XDH: variants seen among roughly 807,000 people sequenced by gnomAD.
XDH encodes xanthine dehydrogenase, also known as xanthine dehydrogenase/oxidase.
In XDH, 138 loss-of-function variants were observed where a neutral mutation model predicts 156.1. The ratio of observed to expected loss-of-function variants is 0.88; its 90% confidence interval spans 0.77 to 1.02. The LOEUF (loss-of-function observed/expected upper bound fraction) is 1.02, where lower values mean the gene tolerates loss of function less well. XDH is among the 50% of genes least tolerant of loss of function. The probability of loss-of-function intolerance (pLI) is 0.00; values close to 1 mark genes in which losing one functional copy is unlikely to be tolerated. For synonymous variants in XDH, 669 were observed against 625.7 expected (o/e 1.07, Z -1.03); for missense variants, 1,849 against 1,684.9 (o/e 1.10, Z -1.71).
chr2:31,346,972 G>T, intron 29 of XDH, 129 bp from the exon 30 acceptor site: 6 of 1,178,548 alleles, frequency 5.1e-6, no homozygotes, highest in Non-Finnish European at 7.5e-6. Flanking sequence ...CAAACAGCCT[G>T]GCCACCCACT....
At chr2:31,362,380 C>T (rs1685800847) in intron 24 of XDH, among the ~76,000 whole-genome samples, 1 of 152,188 alleles carries the variant, frequency 6.6e-6, no homozygotes, top group Admixed American at 6.5e-5. Context: ...TATGGCATTA[C>T]AACTACTTGT....
chr2:31,337,438 T>A (rs1294750879), intron 35 of XDH, among the ~76,000 whole-genome samples: 26 of 152,188 alleles, frequency 1.7e-4, no homozygotes, highest in Admixed American at 1.7e-3. Flanking sequence ...CTACAAGCTA[T>A]AGCTTTAAGG....
chr2:31,403,865 T>C (rs1310215433), intron 2 of XDH, among the ~76,000 whole-genome samples: 1 of 152,158 alleles, frequency 6.6e-6, no homozygotes, highest in East Asian at 1.9e-4. Context: ...ACATGGCTGC[T>C]TCTCCCTCAG....
In XDH at chr2:31,377,146, C is replaced by T; in HGVS notation, c.1334G>A (p.Gly445Glu). 6.2e-7 allele frequency: 1 copy of T among 1,614,146 alleles called. No individual in the cohort carries two copies. Among genetic ancestry groups the T allele is most frequent in the Non-Finnish European group, 8.5e-7 (1 of 1,180,032 alleles). Reference sequence around the variant, plus strand: ...GGCCAGCTCCTGTACCTCTGTGGTTCCTGGCTTGAATAAAACTCTCATGCC... The same window carrying T: ...GGCCAGCTCCTGTACCTCTGTGGTTTCTGGCTTGAATAAAACTCTCATGCC... ...TSGMRVLFKPGTTEVQELALC... is the reference protein window; with the variant it reads ...TSGMRVLFKPETTEVQELALC... Residue 445 changes from glycine to glutamate, a missense_variant, in exon 14 of 36, where the codon GGA becomes GAA. By Grantham distance (98) the Gly-to-Glu change is moderately conservative (BLOSUM62 -2). Coordinates refer to ENST00000379416, the MANE Select transcript of XDH (RefSeq NM_000379.4).
intron 6 of XDH, among the ~76,000 whole-genome samples, chr2:31,394,265 C>A (rs934907059): frequency 1.3e-5 from 2 of 152,062 alleles, no homozygotes; most frequent in Non-Finnish European, 2.9e-5. Context: ...ATTTCTCACT[C>A]GCTTTTGAAG....
intron 24 of XDH, among the ~76,000 whole-genome samples, chr2:31,353,025 CTT>C (rs774092222): frequency 9.3e-5 from 11 of 118,234 alleles, no homozygotes; most frequent in Admixed American, 2.6e-4. Flanking sequence ...CCAGCCACCT[CTT>C]TTTTTTTTTT....
intron 8 of XDH, among the ~76,000 whole-genome samples, 172 bp downstream of exon 8, chr2:31,387,639 T>C (rs1686646678): frequency 6.6e-6 from 1 of 152,026 alleles, no homozygotes; most frequent in Non-Finnish European, 1.5e-5. Context: ...GGGCTGTGGG[T>C]ACACATAGCA....
Position 31,339,539 on chromosome 2 carries a change from C to T in XDH, c.3724G>A (p.Val1242Met), listed in dbSNP as rs183714440. The T allele has an allele frequency of 6.8e-6, 11 of 1,614,210 alleles. No homozygotes were observed. In the East Asian group the frequency reaches 2.0e-4, roughly 29 times the overall value. Residue 1242 changes from valine to methionine, a missense_variant, in exon 34 of 36, where the codon GTG (valine) becomes ATG (methionine). Physicochemically the swap from Val to Met is conservative, Grantham distance 21. Coordinates refer to ENST00000379416, the MANE Select transcript of XDH (RefSeq NM_000379.4). ...AFGSIPIEFRVSLLRDCPNKK... is the reference protein window; with the variant it reads ...AFGSIPIEFRMSLLRDCPNKK... ...TTGGGGCAGTCGCGGAGCAGGGACA[C>T]CCTGAACTCAATGGGGATGCTGCCA...
intron 6 of XDH, among the ~76,000 whole-genome samples, chr2:31,388,855 C>T (rs1465415306): frequency 6.6e-6 from 1 of 152,230 alleles, no homozygotes; most frequent in Admixed American, 6.5e-5. Flanking sequence ...GGTAAACACC[C>T]TTCACTCCTC....
rs368150202 is a variant in XDH at position 31,379,846 on chromosome 2, G to A, written c.1242+21C>T. The A allele has an allele frequency of 1.7e-4, 279 of 1,611,396 alleles. No individual in the cohort carries two copies. In the African/African-American group the frequency reaches 3.4e-3, roughly 19 times the overall value. ...ATAGGACTTATTTGAGCAGAGCCTG[G>A]AACCACTTCCAACATCTCACCTCCC... On this transcript the variant is annotated intron_variant, in intron 13 of 35. Transcript: ENST00000379416.
At position 31,335,880 on chromosome 2, in the gene XDH, C is replaced by A. The variant is rs1009073845; in HGVS notation, c.*78G>T. 2 of 1,500,984 alleles carry A rather than the reference C, an allele frequency of 1.3e-6. No homozygotes were observed. Among genetic ancestry groups the A allele is most frequent in the African/African-American group, 1.4e-5 (1 of 72,488 alleles). The allele number at this position is 1,500,984 out of a possible 1,614,324, so 93.0% of individuals were successfully genotyped here. On this transcript the variant is annotated 3_prime_UTR_variant, in exon 36 of 36. Coordinates refer to ENST00000379416, the MANE Select transcript of XDH (RefSeq NM_000379.4). ...CTGTCATTCTGTGACTTTAATAGAT[C>A]CATGTTCTGTGGTATGTTCCTCCTG...
intron 6 of XDH, among the ~76,000 whole-genome samples, chr2:31,396,887 TAC>T: frequency 6.6e-6 from 1 of 152,330 alleles, no homozygotes; most frequent in Non-Finnish European, 1.5e-5. Flanking sequence ...TATACGATTA[TAC>T]AGACACAGCA....
At chr2:31,347,745 G>A in intron 28 of XDH, 95 bp from the exon 29 acceptor site, 1 of 1,503,016 alleles carries the variant, frequency 6.7e-7, no homozygotes, top group Non-Finnish European at 9.0e-7. Flanking sequence ...ACTGTTACAG[G>A]CAAGAAAACA....
Position 31,405,918 on chromosome 2 carries a change from A to G in XDH, c.89T>C (p.Leu30Pro). Reference sequence around the variant, plus strand: ...CAAAGTCAGGATACACTTTCTTCTCAGGTAGGCCAAAAGGGTTGTCTCTGG... The same window carrying G: ...CAAAGTCAGGATACACTTTCTTCTCGGGTAGGCCAAAAGGGTTGTCTCTGG... ...ADPETTLLAY[L>P]RRKLGLSGTK... Residue 30 changes from leucine (L) to proline (P), a missense_variant, in exon 2 of 36, where the codon CTG (leucine) becomes CCG (proline). Coordinates refer to ENST00000379416, the MANE Select transcript of XDH (RefSeq NM_000379.4). 2 of 1,614,142 alleles carry G rather than the reference A, an allele frequency of 1.2e-6. No homozygotes were observed. Among genetic ancestry groups the G allele is most frequent in the Non-Finnish European group, 1.7e-6 (2 of 1,180,028 alleles).
chr2:31,374,047 C>T (rs757671215), intron 15 of XDH, 91 bp from the exon 16 acceptor site: 10 of 1,293,618 alleles, frequency 7.7e-6, no homozygotes, highest in South Asian at 1.3e-5. Context: ...AAACTGATAA[C>T]TGATCCCCTT....
At chr2:31,364,021 G>A in intron 24 of XDH, 137 bp downstream of exon 24, 1 of 744,326 alleles carries the variant, frequency 1.3e-6, no homozygotes, top group African/African-American at 1.7e-5. Flanking sequence ...TCGAGGATGG[G>A]AAACCTGAAG....
chr2:31,413,150 G>A lies in XDH; in HGVS notation c.42+1475C>T, dbSNP rs966491455. On this transcript the variant is annotated intron_variant, in intron 1 of 35. Coordinates refer to ENST00000379416, the MANE Select transcript of XDH (RefSeq NM_000379.4). ...GTTTAATAAATAATAAAACCTCAGA[G>A]TAAGACATGACCTTGGACGTCATTG... 6.6e-5 allele frequency among the ~76,000 whole-genome samples: 10 copies of A among 152,286 alleles called. No individual in the cohort carries two copies. In the East Asian group the frequency reaches 1.9e-3, roughly 29 times the overall value.
At chr2:31,366,651 C>A (rs900898420) in intron 21 of XDH, among the ~76,000 whole-genome samples, 10 of 152,196 alleles carry the variant, frequency 6.6e-5, no homozygotes, top group African/African-American at 2.4e-4. Flanking sequence ...ACCCAGGCCC[C>A]ATTTTATAAA....
chr2:31,395,581 C>T (rs1178193627), intron 6 of XDH, among the ~76,000 whole-genome samples: 1 of 152,136 alleles, frequency 6.6e-6, no homozygotes, highest in Non-Finnish European at 1.5e-5. Flanking sequence ...AGGTAAAACT[C>T]ACAAAGGTGT....
Sources: gnomAD v4.1 joint callset for allele counts (sites outside exome capture counted in the v4.1 genomes callset) on GRCh38, gnomAD v4.1.1 for gene constraint, MANE v1.5 for transcripts, NCBI Gene and HGNC (gene_info 2026-07-23, HGNC 2026-07-21) for gene names.